The following ARHGAP44 variants were observed in gnomAD, a reference collection of about 807,000 sequenced individuals.
ARHGAP44 encodes the protein rho GTPase-activating protein 44.
A neutral mutation model predicts 106.8 loss-of-function variants in ARHGAP44; 43 were observed. The ratio of observed to expected loss-of-function variants is 0.40; its 90% CI spans 0.32 to 0.52. The LOEUF (loss-of-function observed/expected upper bound fraction) is 0.52, where lower values mean the gene tolerates loss of function less well. Ranked by LOEUF, ARHGAP44 falls within the 20% of genes least tolerant of loss-of-function variation. ARHGAP44 has a pLI of 0.48. For synonymous variants in ARHGAP44, 439 were observed against 410.3 expected (o/e 1.07, Z -0.85); for missense variants, 866 against 1,050.5 (o/e 0.82, Z 2.43).
At chr17:12,881,220 A>G (rs75942521) in intron 1 of ARHGAP44, among the ~76,000 whole-genome samples, 6,946 of 150,704 alleles carry the variant, frequency 0.046, 227 homozygotes, top group Admixed American at 0.08. Flanking sequence ...CCTTATTTTT[A>G]TTTTCTGTGA....
chr17:12,986,909 A>C, intron 20 of ARHGAP44: 1 of 587,094 alleles, frequency 1.7e-6, no homozygotes, highest in Non-Finnish European at 3.0e-6. Flanking sequence ...CCCTATTTTA[A>C]TGTCCTTTTG....
chr17:12,902,568 A>G (rs536770848), intron 3 of ARHGAP44, among the ~76,000 whole-genome samples: 1 of 152,322 alleles, frequency 6.6e-6, no homozygotes, highest in South Asian at 2.1e-4. Context: ...CCAGCAGGGC[A>G]ATGGTACAAG....
At chr17:12,989,944 T>G in intron 20 of ARHGAP44, 88 bp from the exon 21 acceptor site, 4 of 1,545,304 alleles carry the variant, frequency 2.6e-6, no homozygotes, top group Non-Finnish European at 3.5e-6. Flanking sequence ...CACCCCTGCC[T>G]CCTAAGGCTG....
intron 1 of ARHGAP44, among the ~76,000 whole-genome samples, chr17:12,826,122 G>T (rs1250041042): frequency 6.6e-6 from 1 of 152,130 alleles, no homozygotes; most frequent in Non-Finnish European, 1.5e-5. Context: ...AGGTTTGTTT[G>T]TTACATAGGT....
chr17:12,898,476 C>A (rs2037280151), intron 3 of ARHGAP44, among the ~76,000 whole-genome samples: 1 of 152,184 alleles, frequency 6.6e-6, no homozygotes, highest in South Asian at 2.1e-4. Context: ...AACTACACTG[C>A]TTCCTAGAGA....
At chr17:12,897,461 TTTC>T (rs2037244971) in intron 3 of ARHGAP44, among the ~76,000 whole-genome samples, 1 of 151,522 alleles carries the variant, frequency 6.6e-6, no homozygotes, top group Non-Finnish European at 1.5e-5. Context: ...CAAGCCCTGG[TTTC>T]TTCTTTCTTA....
intron 1 of ARHGAP44, among the ~76,000 whole-genome samples, chr17:12,847,632 G>C (rs996840616): frequency 1.3e-5 from 2 of 150,434 alleles, no homozygotes; most frequent in African/African-American, 4.9e-5. Flanking sequence ...TCCTGCCTCA[G>C]CCTCCCCAGT....
chr17:12,888,928 T>G (rs1451355951), intron 1 of ARHGAP44, among the ~76,000 whole-genome samples: 1 of 152,182 alleles, frequency 6.6e-6, no homozygotes, highest in Non-Finnish European at 1.5e-5. Context: ...GATCAGTGCT[T>G]CCATTATGTC....
rs1300095860 is a variant in ARHGAP44, at chr17:12,974,075, G to T, written c.1542-14G>T. The T allele has an allele frequency of 6.4e-7, 1 of 1,555,534 alleles. No homozygotes were observed. Among genetic ancestry groups the T allele is most frequent in the East Asian group, 2.4e-5 (1 of 41,330 alleles). ...TTACGCGTGGGTAAGCGGTGTCTTTGTGTCCCTCGCCAGCATGGGTGTGAG... is the reference window on the plus strand; with the variant it reads ...TTACGCGTGGGTAAGCGGTGTCTTTTTGTCCCTCGCCAGCATGGGTGTGAG... On this transcript the variant is annotated splice_polypyrimidine_tract_variant and intron_variant, in intron 17 of 20. Transcript: ENST00000379672.
At chr17:12,974,401 G>A in intron 18 of ARHGAP44, 91 bp downstream of exon 18, 1 of 1,089,452 alleles carries the variant, frequency 9.2e-7, no homozygotes, top group Non-Finnish European at 1.2e-6. Context: ...GGATTTCGTC[G>A]TTTCCCATGC....
intron 1 of ARHGAP44, among the ~76,000 whole-genome samples, chr17:12,826,950 C>T (rs2034937116): frequency 6.6e-6 from 1 of 152,134 alleles, no homozygotes; most frequent in Non-Finnish European, 1.5e-5. Flanking sequence ...TCCCTACCTC[C>T]CAATACCCAA....
intron 17 of ARHGAP44, chr17:12,973,757 C>A: frequency 1.9e-6 from 1 of 521,424 alleles, no homozygotes; most frequent in South Asian, 2.4e-5. Context: ...AGTTTACACC[C>A]AGGGAGCTTG....
At position 12,958,862 on chromosome 17, in the gene ARHGAP44, G is replaced by A. The variant is rs371189059; in HGVS notation, c.1488G>A (p.Thr496=). Residue 496 remains threonine, a synonymous_variant, in exon 16 of 21, where the codon ACG becomes ACA. Transcript: ENST00000379672. This position sits in a 1 kb window ranked among gnomAD's most constrained non-coding sequence, Gnocchi z 4.1. ...EQARRPLSVA[T]DNMMLEFYKK... Reference sequence around the variant, plus strand: ...CCCGCCGGCCCCTCAGCGTCGCCACGGATAATATGATGCTGGAGTTTTACA... The same window carrying A: ...CCCGCCGGCCCCTCAGCGTCGCCACAGATAATATGATGCTGGAGTTTTACA... The A allele has an allele frequency of 8.0e-5, 129 of 1,611,086 alleles. No homozygotes were observed. Among genetic ancestry groups the A allele is most frequent in the East Asian group, 1.3e-4 (6 of 44,824 alleles).
At chr17:12,796,860 C>T (rs2033940776) in intron 1 of ARHGAP44, among the ~76,000 whole-genome samples, 3 of 152,044 alleles carry the variant, frequency 2.0e-5, no homozygotes, top group Non-Finnish European at 4.4e-5. Flanking sequence ...CCGCCTCAGC[C>T]TCCCAAAGTG....
At chr17:12,824,010 G>A (rs941842208) in intron 1 of ARHGAP44, among the ~76,000 whole-genome samples, 9 of 152,008 alleles carry the variant, frequency 5.9e-5, no homozygotes, top group African/African-American at 2.2e-4. Context: ...TTCTTGAACT[G>A]CCTTTGTCTT....
intron 6 of ARHGAP44, among the ~76,000 whole-genome samples, chr17:12,920,142 A>G (rs1027358066): frequency 3.9e-5 from 6 of 152,112 alleles, no homozygotes; most frequent in Admixed American, 1.3e-4. Flanking sequence ...TTGGGAGGCC[A>G]AGGCGGGCGG....
chr17:12,973,116 A>C (rs1051287460), intron 16 of ARHGAP44, 186 bp from the exon 17 acceptor site: 2 of 619,236 alleles, frequency 3.2e-6, no homozygotes, highest in Non-Finnish European at 5.6e-6. Context: ...TATGACTTAC[A>C]CTTACACAAA....
At chr17:12,894,147 T>C (rs2037129661) in intron 1 of ARHGAP44, among the ~76,000 whole-genome samples, 1 of 152,198 alleles carries the variant, frequency 6.6e-6, no homozygotes, top group East Asian at 1.9e-4. Context: ...ACTTCTTGTA[T>C]GTTGTTTCTT....
intron 1 of ARHGAP44, among the ~76,000 whole-genome samples, chr17:12,891,042 ACTGTC>A: frequency 6.6e-6 from 1 of 152,328 alleles, no homozygotes; most frequent in South Asian, 2.1e-4. Flanking sequence ...AGTGGTCTTT[ACTGTC>A]CATATTTCTG....
Sources: allele counts gnomAD v4.1 joint callset (sites outside exome capture counted in the v4.1 genomes callset), GRCh38; gene constraint gnomAD v4.1.1; non-coding constraint Gnocchi (gnomAD v3.1); transcripts MANE v1.5; gene names NCBI Gene and HGNC (gene_info 2026-07-23, HGNC 2026-07-21).